Variants in CPAMD8 observed in about 807,000 individuals in gnomAD.
CPAMD8 encodes C3 and PZP-like alpha-2-macroglobulin domain-containing protein 8.
A neutral mutation model predicts 224.7 loss-of-function variants in CPAMD8; 146 were observed. The observed-to-expected ratio is 0.65, with a 90% CI of 0.57 to 0.75. CPAMD8 has a LOEUF of 0.75. Ranked by LOEUF, CPAMD8 falls within the 30% of genes least tolerant of loss-of-function variation. The pLI is 0.00. For missense variants in CPAMD8, 2,301 were observed against 2,537.5 expected (o/e 0.91, Z 2.00); for synonymous variants, 966 against 1,044.6 (o/e 0.92, Z 1.45).
intron 17 of CPAMD8, among the ~76,000 whole-genome samples, chr19:16,974,277 G>A (rs570514569): frequency 3.3e-5 from 5 of 151,984 alleles, no homozygotes; most frequent in South Asian, 2.1e-4. Context: ...GACTACAGGC[G>A]CCCCCTTAGC....
At chr19:16,971,113 C>T in intron 17 of CPAMD8, 80 bp from the exon 18 acceptor site, 1 of 1,280,502 alleles carries the variant, frequency 7.8e-7, no homozygotes, top group Non-Finnish European at 1.1e-6. Context: ...AATGAATCAC[C>T]CTGTGGCCAC....
intron 18 of CPAMD8, among the ~76,000 whole-genome samples, chr19:16,958,879 A>C (rs2122483608): frequency 6.6e-6 from 1 of 150,398 alleles, no homozygotes; most frequent in Non-Finnish European, 1.5e-5. Flanking sequence ...AGCTCACTGC[A>C]ACATCTGCCT....
chr19:16,957,080 C>T (rs989914498), intron 19 of CPAMD8, among the ~76,000 whole-genome samples: 11 of 152,190 alleles, frequency 7.2e-5, no homozygotes, highest in African/African-American at 2.7e-4. Flanking sequence ...AGCTGGGCCC[C>T]CAGAACAAAA....
chr19:17,003,535 C>T (rs1034365943), intron 8 of CPAMD8, among the ~76,000 whole-genome samples: 42 of 151,360 alleles, frequency 2.8e-4, no homozygotes, highest in African/African-American at 9.7e-4. Flanking sequence ...CAAGAGTCCA[C>T]TTTGGGAGGC....
chr19:16,965,389 T>C (rs2054795281), intron 18 of CPAMD8, among the ~76,000 whole-genome samples: 1 of 152,198 alleles, frequency 6.6e-6, no homozygotes, highest in Admixed American at 6.5e-5. Flanking sequence ...AATATCATAC[T>C]GAATGGACAA....
Position 16,987,103 on chromosome 19 carries a change from G to A in CPAMD8, c.1395+2540C>T, listed in dbSNP as rs917556641. On this transcript the variant is annotated intron_variant, in intron 13 of 41. Coordinates refer to ENST00000443236, the MANE Select transcript of CPAMD8 (RefSeq NM_015692.5). ...GAACCCAGGAGATGGAGGTTGCAGT[G>A]AGCCGAGATTGTGCCACTGCACTCC... Among the ~76,000 whole-genome samples the A allele has an allele frequency of 6.7e-5, 9 of 133,964 alleles. No individual in the cohort carries two copies. The East Asian group carries it at 1.8e-3, about 28-fold the overall frequency. The allele number at this position is 133,964 out of a possible 152,430, so 87.9% of individuals were successfully genotyped here. A position where few individuals can be genotyped will look rare whatever the true frequency, so the allele number is the denominator to read the frequency against.
At chr19:16,942,270 T>A (rs1030565683) in intron 22 of CPAMD8, among the ~76,000 whole-genome samples, 1 of 152,128 alleles carries the variant, frequency 6.6e-6, no homozygotes, top group Non-Finnish European at 1.5e-5. Context: ...AAGACCAACC[T>A]GGCCAACATG....
At chr19:16,923,415 C>T (rs144488195) in intron 26 of CPAMD8, among the ~76,000 whole-genome samples, 1 of 152,082 alleles carries the variant, frequency 6.6e-6, no homozygotes. Flanking sequence ...GAAAGAAGGA[C>T]GAATCTGAGG....
chr19:16,971,880 C>T (rs1371934854), intron 17 of CPAMD8, among the ~76,000 whole-genome samples: 1 of 152,026 alleles, frequency 6.6e-6, no homozygotes, highest in Admixed American at 6.6e-5. Context: ...AACCCCATCT[C>T]TACTAAAAAT....
At chr19:16,992,598 C>T (rs1467555686) in intron 12 of CPAMD8, among the ~76,000 whole-genome samples, 2 of 151,942 alleles carry the variant, frequency 1.3e-5, no homozygotes, top group Admixed American at 1.3e-4. Flanking sequence ...ATTACAGGCA[C>T]CTGCCACAAC....
In CPAMD8 at chr19:16,989,369, C is replaced by T. The variant is rs532813393; in HGVS notation, c.1395+274G>A. Among the ~76,000 whole-genome samples, 565 of 152,196 alleles carry T rather than the reference C, an allele frequency of 3.7e-3. 1 individual carries two copies. The highest frequency in any genetic ancestry group is 6.2e-3 in the Non-Finnish European group (425 of 68,020). On this transcript the variant is annotated intron_variant, in intron 13 of 41. Transcript: ENST00000443236. ...TGGTGTGATCTCAGCTCACTGCAAC[C>T]TCTGCCTCCCGGGTTCAAGCAATTC... is the stretch of plus-strand genomic sequence containing the variant.
chr19:16,972,399 ACT>A (rs1447551019), intron 17 of CPAMD8, among the ~76,000 whole-genome samples: 1 of 151,472 alleles, frequency 6.6e-6, no homozygotes, highest in Non-Finnish European at 1.5e-5. Context: ...TTGAAAGAAG[ACT>A]CACTGTAGCC....
At position 16,897,818 on chromosome 19, in the gene CPAMD8, G is replaced by A. The variant is rs2052085657; in HGVS notation, c.4955-17C>T. The stretch of plus-strand genomic sequence containing the variant: ...CCTCGAAGGCTACGGGACGAGGGTG[G>A]CGGGTGACCAAGTGCAGGCGCGACG... On this transcript the variant is annotated splice_polypyrimidine_tract_variant and intron_variant, in intron 38 of 41. Transcript: ENST00000443236. 1 of 1,574,936 alleles carries A rather than the reference G, an allele frequency of 6.3e-7. No homozygotes were observed. Among genetic ancestry groups the A allele is most frequent in the East Asian group, 2.3e-5 (1 of 43,942 alleles).
chr19:16,944,594 T>TG (rs1357844890), intron 22 of CPAMD8, among the ~76,000 whole-genome samples: 1 of 151,972 alleles, frequency 6.6e-6, no homozygotes, highest in African/African-American at 2.4e-5. Flanking sequence ...AAAGGGTGAC[T>TG]GGGGGTCTCT....
intron 31 of CPAMD8, 52 bp from the exon 32 acceptor site, chr19:16,904,414 G>T: frequency 6.2e-7 from 1 of 1,614,092 alleles, no homozygotes; most frequent in Non-Finnish European, 8.5e-7. Flanking sequence ...CATGGACCCA[G>T]TGCATGGAGG....
At chr19:16,911,357 T>A (rs1187457738) in intron 29 of CPAMD8, among the ~76,000 whole-genome samples, 1 of 151,606 alleles carries the variant, frequency 6.6e-6, no homozygotes, top group Non-Finnish European at 1.5e-5. Flanking sequence ...GACTCCTTTT[T>A]TTTTTGTTCT....
In CPAMD8 at chr19:17,026,713, A is replaced by G. The variant is rs1485707454; in HGVS notation, c.-71T>C. 1.3e-5 allele frequency: 16 copies of G among 1,233,592 alleles called. No individual in the cohort carries two copies. Among genetic ancestry groups the G allele is most frequent in the Admixed American group, 4.3e-5 (1 of 23,218 alleles). The allele number at this position is 1,233,592 out of a possible 1,614,324, so 76.4% of individuals were successfully genotyped here. ...AGGGCTGGGCCAGGGCCAGGGTCCG[A>G]GCGCGGCCGTCCTCGCGCCGCCGCC... On this transcript the variant is annotated 5_prime_UTR_variant, in exon 1 of 42. Coordinates refer to ENST00000443236, the MANE Select transcript of CPAMD8 (RefSeq NM_015692.5).
In CPAMD8 at chr19:16,958,267, C is replaced by T. The variant is rs924075326; in HGVS notation, c.2214-352G>A. Among the ~76,000 whole-genome samples, 92 of 152,312 alleles carry T rather than the reference C, an allele frequency of 6.0e-4. 1 individual carries two copies. Among genetic ancestry groups the T allele is most frequent in the African/African-American group, 2.1e-3 (86 of 41,572 alleles). ...CAATAGTTATTATTTCTGATCCTCT[C>T]TGTCTTCCCATCCCCCATCCTCAAG... On this transcript the variant is annotated intron_variant, in intron 18 of 41. Transcript: ENST00000443236.
chr19:17,010,294 G>A (rs1482737752), intron 5 of CPAMD8, among the ~76,000 whole-genome samples: 2 of 152,014 alleles, frequency 1.3e-5, no homozygotes, highest in Non-Finnish European at 2.9e-5. Context: ...AGTTCAAGTG[G>A]CACAATCACA....
Sources: gnomAD v4.1 joint callset for allele counts (sites outside exome capture counted in the v4.1 genomes callset) on GRCh38, gnomAD v4.1.1 for gene constraint, MANE v1.5 for transcripts, NCBI Gene and HGNC (gene_info 2026-07-23, HGNC 2026-07-21) for gene names.